ZFC3H1: variants seen among roughly 807,000 people sequenced by gnomAD.
The protein encoded by ZFC3H1 is zinc finger C3H1-type containing.
In ZFC3H1, 71 loss-of-function variants were observed where a neutral mutation model predicts 243.7. That is an observed-to-expected ratio of 0.29 (90% CI 0.24 to 0.36). The LOEUF (loss-of-function observed/expected upper bound fraction) is 0.36, where lower values mean the gene tolerates loss of function less well. Ranked by LOEUF, ZFC3H1 falls within the 10% of genes least tolerant of loss-of-function variation. The pLI is 1.00. For missense variants in ZFC3H1, 1,966 were observed against 2,317.1 expected (o/e 0.85, Z 3.11); for synonymous variants, 838 against 813.0 (o/e 1.03, Z -0.52).
At chr12:71,661,961 A>G (rs149061050) in intron 1 of ZFC3H1, among the ~76,000 whole-genome samples, 1 of 152,316 alleles carries the variant, frequency 6.6e-6, no homozygotes, top group East Asian at 1.9e-4. Context: ...GTGTTCTATA[A>G]AAGTAATTCT....
chr12:71,651,456 CA>C (rs1348395986), intron 2 of ZFC3H1, among the ~76,000 whole-genome samples: 1 of 152,124 alleles, frequency 6.6e-6, no homozygotes, highest in East Asian at 1.9e-4. Flanking sequence ...CCCATGAAAA[CA>C]TAAGTGACTA....
intron 28 of ZFC3H1, 87 bp downstream of exon 28, chr12:71,615,119 G>A: frequency 8.1e-7 from 1 of 1,241,632 alleles, no homozygotes; most frequent in Non-Finnish European, 1.1e-6. Context: ...TTAACATCAA[G>A]TTAATTATAA....
chr12:71,614,906 T>C lies in ZFC3H1; in HGVS notation c.5288A>G (p.Glu1763Gly), dbSNP rs1266245911. 1 of 1,613,810 alleles carries C rather than the reference T, an allele frequency of 6.2e-7. No individual in the cohort carries two copies. The highest frequency in any genetic ancestry group is 8.5e-7 in the Non-Finnish European group (1 of 1,179,844). The change falls in exon 29 of 35, where the codon GAA becomes GGA. Residue 1763 changes from glutamate (E) to glycine (G), a missense_variant. This residue lies in a region of ZFC3H1 where 1,383 missense variants were observed against 1,723.7 expected (regional missense o/e 0.80). Transcript: ENST00000378743. The stretch of plus-strand genomic sequence containing the variant: ...TGCTGCCTCATATGCCTCCACTGTT[T>C]CTTTAATACTTGATTGAAGAGGATG... ...LCHPLQSSIK[E>G]TVEAYEAALG...
chr12:71,613,574 CA>C, intron 30 of ZFC3H1, 139 bp from the exon 31 acceptor site: 1 of 516,872 alleles, frequency 1.9e-6, no homozygotes, highest in Non-Finnish European at 3.4e-6. Flanking sequence ...TTGTGAGTTA[CA>C]GTTCCTACCA....
intron 7 of ZFC3H1, among the ~76,000 whole-genome samples, chr12:71,637,669 C>CA (rs1327770207): frequency 2.0e-5 from 3 of 152,110 alleles, no homozygotes; most frequent in African/African-American, 7.2e-5. Context: ...TATTCATTCC[C>CA]AAAAAGAAAA....
chr12:71,632,703 C>A (rs1880354442), intron 14 of ZFC3H1, among the ~76,000 whole-genome samples, 183 bp downstream of exon 14: 1 of 152,014 alleles, frequency 6.6e-6, no homozygotes. Context: ...ATGACAAAAA[C>A]AAAGTCAAGA....
intron 6 of ZFC3H1, 118 bp downstream of exon 6, chr12:71,642,318 C>G: frequency 8.8e-7 from 1 of 1,136,058 alleles, no homozygotes; most frequent in South Asian, 2.0e-5. Flanking sequence ...TATCGCCATA[C>G]AGTTCATCAG....
chr12:71,654,988 A>T (rs1880981538), intron 2 of ZFC3H1, among the ~76,000 whole-genome samples: 1 of 152,186 alleles, frequency 6.6e-6, no homozygotes, highest in Non-Finnish European at 1.5e-5. Flanking sequence ...ATTTAAAGCA[A>T]AAAGTAAAAA....
intron 7 of ZFC3H1, among the ~76,000 whole-genome samples, chr12:71,637,433 CATA>C (rs557729649): frequency 7.9e-5 from 12 of 152,152 alleles, no homozygotes; most frequent in African/African-American, 2.6e-4. Flanking sequence ...AAACCCAAGA[CATA>C]ATATTTCAGT....
At chr12:71,636,699 A>T in intron 8 of ZFC3H1, 45 bp from the exon 9 acceptor site, 1 of 1,569,060 alleles carries the variant, frequency 6.4e-7, no homozygotes, top group Non-Finnish European at 8.6e-7. Context: ...AAATAAAAAT[A>T]AATTTCTGCC....
In ZFC3H1 at chr12:71,620,038, T is replaced by C. The variant is rs949330342; in HGVS notation, c.4937A>G (p.Tyr1646Cys). The C allele has an allele frequency of 1.5e-5, 24 of 1,613,402 alleles. No individual in the cohort carries two copies. The highest frequency in any genetic ancestry group is 4.0e-5 in the African/African-American group (3 of 74,774). The change falls in exon 26 of 35, where the codon TAT becomes TGT. Residue 1646 changes from tyrosine to cysteine, a missense_variant. By Grantham distance (194) the Tyr-to-Cys change is radical (BLOSUM62 -2). Transcript: ENST00000378743. The stretch of plus-strand genomic sequence containing the variant: ...TTTGTCATGCTGATTTGTTTGCAAA[T>C]ATAATGCAACAAGAGCTTCCAGCAA... The part of the protein sequence containing the change: ...CQLLEALVAL[Y>C]LQTNQHDKAR...
At chr12:71,635,375 A>C in intron 10 of ZFC3H1, 68 bp downstream of exon 10, 1 of 1,509,412 alleles carries the variant, frequency 6.6e-7, no homozygotes, top group South Asian at 1.4e-5. Flanking sequence ...TTTAATTTTC[A>C]GGAAAAAATA....
chr12:71,610,867 G>A, intron 33 of ZFC3H1, 110 bp from the exon 34 acceptor site: 1 of 1,412,752 alleles, frequency 7.1e-7, no homozygotes, highest in South Asian at 1.3e-5. Context: ...AGACAAAATG[G>A]TTATGCTGAG....
Position 71,632,335 on chromosome 12 carries a change from T to C in ZFC3H1, c.2997A>G (p.Pro999=), listed in dbSNP as rs372408322. ...LKAKEQQNIS[P]VVEEEPEFSL... Reference sequence around the variant, plus strand: ...AAAATTCGGGTTCCTCTTCCACAACTGGAGAGATATTTTGTTGTTCCTTTG... The same window carrying C: ...AAAATTCGGGTTCCTCTTCCACAACCGGAGAGATATTTTGTTGTTCCTTTG... Residue 999 remains proline (P), a synonymous_variant, in exon 15 of 35, where the codon CCA becomes CCG. Coordinates refer to ENST00000378743, the MANE Select transcript of ZFC3H1 (RefSeq NM_144982.5). 9.9e-6 allele frequency: 16 copies of C among 1,613,706 alleles called. No homozygotes were observed. Among genetic ancestry groups the C allele is most frequent in the Non-Finnish European group, 1.4e-5 (16 of 1,179,858 alleles).
chr12:71,629,310 C>T (rs993544565), intron 19 of ZFC3H1, among the ~76,000 whole-genome samples: 3 of 151,760 alleles, frequency 2.0e-5, no homozygotes, highest in Admixed American at 2.0e-4. Context: ...AGGCTGCAGG[C>T]ACACGCCACC....
chr12:71,654,687 G>GA (rs551312995), intron 2 of ZFC3H1, among the ~76,000 whole-genome samples: 6 of 150,510 alleles, frequency 4.0e-5, no homozygotes, highest in Admixed American at 2.6e-4. Flanking sequence ...AGCCTAAAAA[G>GA]AAAAAAAAGA....
Position 71,627,801 on chromosome 12 carries a change from A to T in ZFC3H1, c.4080T>A (p.His1360Gln). ...ACGCAAGCTTGAGCCAAAGTTGTAC[A>T]TGAGAAGGATTTTCAAGCACACTTG... is the stretch of plus-strand genomic sequence containing the variant. ...LEASVLENPS[H>Q]VQLWLKLAYK... Residue 1360 changes from histidine to glutamine, a missense_variant, in exon 21 of 35, where the codon CAT becomes CAA. Physicochemically the swap from His to Gln is conservative, Grantham distance 24 (BLOSUM62 0). Transcript: ENST00000378743. The T allele has an allele frequency of 6.2e-7, 1 of 1,613,824 alleles. No individual in the cohort carries two copies. Among genetic ancestry groups the T allele is most frequent in the Non-Finnish European group, 8.5e-7 (1 of 1,179,862 alleles).
Position 71,663,179 on chromosome 12 carries a change from G to T in ZFC3H1, c.432C>A (p.Phe144Leu), listed in dbSNP as rs772709531. ...CCCGGTAAGGCCTGCCTCGAAAGCG[G>T]AAACGGTCCAAGGCGAGGTGGCTCC... ...WERSHLALDRFRFRGRPYRGG... is the reference protein window; with the variant it reads ...WERSHLALDRLRFRGRPYRGG... The change falls in exon 1 of 35, where the codon TTC becomes TTA. Residue 144 changes from phenylalanine (F) to leucine (L), a missense_variant. This residue lies in a region of ZFC3H1 where 484 missense variants were observed against 449.7 expected (regional missense o/e 1.08). Transcript: ENST00000378743. 2 of 1,613,978 alleles carry T rather than the reference G, an allele frequency of 1.2e-6. No individual in the cohort carries two copies. The highest frequency in any genetic ancestry group is 1.1e-5 in the South Asian group (1 of 91,092).
chr12:71,655,005 A>C (rs993741358), intron 2 of ZFC3H1, among the ~76,000 whole-genome samples: 2 of 152,150 alleles, frequency 1.3e-5, no homozygotes, highest in African/African-American at 4.8e-5. Flanking sequence ...AAAATCACAA[A>C]TCCATCATCA....
Sources: gnomAD v4.1 joint callset for allele counts (sites outside exome capture counted in the v4.1 genomes callset) on GRCh38, gnomAD v4.1.1 for gene constraint, gnomAD v4.1.1 regional missense constraint, MANE v1.5 for transcripts, NCBI Gene and HGNC (gene_info 2026-07-23, HGNC 2026-07-21) for gene names.